The following PXDNL variants were observed in gnomAD, a reference collection of about 807,000 sequenced individuals.
PXDNL encodes peroxidasin like.
PXDNL carries 145 observed loss-of-function variants against 150.8 expected under a neutral mutation model. That is an observed-to-expected ratio of 0.96 (90% CI 0.84 to 1.10). PXDNL has a LOEUF of 1.10. PXDNL is among the 50% of genes least tolerant of loss of function. The probability of loss-of-function intolerance (pLI) is 0.00; values close to 1 mark genes in which losing one functional copy is unlikely to be tolerated. For synonymous variants in PXDNL, 757 were observed against 725.7 expected (o/e 1.04, Z -0.69); for missense variants, 2,087 against 1,873.9 (o/e 1.11, Z -2.10).
chr8:51,424,935 A>C (rs2129747233), intron 13 of PXDNL, among the ~76,000 whole-genome samples: 1 of 152,302 alleles, frequency 6.6e-6, no homozygotes, highest in African/African-American at 2.4e-5. Flanking sequence ...GGGAGTGAGA[A>C]GTTGCAGGGC....
At position 51,447,060 on chromosome 8, in the gene PXDNL, G is replaced by C; in HGVS notation, c.1469C>G (p.Ala490Gly). Residue 490 changes from alanine (A) to glycine (G), a missense_variant, in exon 12 of 23, where the codon GCA (alanine) becomes GGA (glycine). Ala to Gly is a moderately conservative substitution (Grantham distance 60, BLOSUM62 0). Transcript: ENST00000356297. ...CTTTTTCACCCCCAACGAACTGACT[G>C]CTTGACATTCATATTGGCCTTGATC... ...QHDQGQYECQ[A>G]VSSLGVKKVS... 6.2e-7 allele frequency: 1 copy of C among 1,613,998 alleles called. No individual in the cohort carries two copies.
rs59658563 is a variant in PXDNL at position 51,730,317 on chromosome 8, T to C, written c.165-75557A>G. 3.6e-3 allele frequency among the ~76,000 whole-genome samples: 546 copies of C among 152,368 alleles called. 5 individuals carry two copies. Among genetic ancestry groups the C allele is most frequent in the African/African-American group, 0.012 (518 of 41,574 alleles). The stretch of plus-strand genomic sequence containing the variant: ...GTGTCAACATAATCAAATAACCTTT[T>C]CTGAATTTTTTTCCTTCATTACACA... On this transcript the variant is annotated intron_variant, in intron 1 of 22. Transcript: ENST00000356297.
chr8:51,327,882 A>G (rs757300076), intron 21 of PXDNL, among the ~76,000 whole-genome samples: 23 of 151,940 alleles, frequency 1.5e-4, no homozygotes, highest in Non-Finnish European at 2.9e-4. Context: ...CTGAAGAGAC[A>G]GGAGGATAAC....
intron 17 of PXDNL, among the ~76,000 whole-genome samples, chr8:51,387,972 C>G (rs141594880): frequency 4.4e-4 from 67 of 152,152 alleles, no homozygotes; most frequent in African/African-American, 1.6e-3. Context: ...ATGTTATTCC[C>G]TGTAAAAAAT....
At chr8:51,372,891 T>C (rs888257955) in intron 18 of PXDNL, among the ~76,000 whole-genome samples, 1 of 152,252 alleles carries the variant, frequency 6.6e-6, no homozygotes, top group Non-Finnish European at 1.5e-5. Context: ...AAAGTCAATC[T>C]TTGGGTACAT....
chr8:51,759,196 C>T (rs2037135604), intron 1 of PXDNL, among the ~76,000 whole-genome samples: 1 of 152,198 alleles, frequency 6.6e-6, no homozygotes, highest in South Asian at 2.1e-4. Context: ...TGCTCTCCCA[C>T]AGCCACTAAG....
chr8:51,799,064 G>A (rs923539494), intron 1 of PXDNL, among the ~76,000 whole-genome samples: 19 of 152,264 alleles, frequency 1.2e-4, no homozygotes, highest in Admixed American at 7.8e-4. Flanking sequence ...GCCATAAAAA[G>A]GAACAAGATA....
intron 2 of PXDNL, among the ~76,000 whole-genome samples, chr8:51,617,029 G>T (rs989906956): frequency 3.3e-5 from 5 of 152,102 alleles, no homozygotes; most frequent in African/African-American, 1.2e-4. Flanking sequence ...GATTCAGAGG[G>T]CCAACTGTAC....
At position 51,525,120 on chromosome 8, in the gene PXDNL, T is replaced by TAA. The variant is rs112492123; in HGVS notation, c.381-25352_381-25351dup. 9.5e-3 allele frequency among the ~76,000 whole-genome samples: 1,414 copies of TAA among 148,662 alleles called. 24 individuals carry two copies. Among genetic ancestry groups the TAA allele is most frequent in the African/African-American group, 0.031 (1,242 of 40,640 alleles). On this transcript the variant is annotated intron_variant, in intron 4 of 22. Transcript: ENST00000356297. ...GCTAAGTTTATGTGTCACCTTTATT[T>TAA]AAAAAAAAAAAATCTCTTTAAAATC...
chr8:51,807,269 G>A (rs28671127), intron 1 of PXDNL, among the ~76,000 whole-genome samples: 185 of 152,110 alleles, frequency 1.2e-3, no homozygotes, highest in Admixed American at 3.1e-3. Context: ...GAAGGCAAAG[G>A]GGGAGTGAGA....
At chr8:51,474,926 A>T in intron 7 of PXDNL, 46 bp downstream of exon 7, 1 of 1,436,980 alleles carries the variant, frequency 7.0e-7, no homozygotes, top group Non-Finnish European at 9.4e-7. Context: ...AAAAGAGAGC[A>T]AATGAGAGAC....
intron 12 of PXDNL, 63 bp from the exon 13 acceptor site, chr8:51,426,821 C>T (rs1809118103): frequency 9.3e-6 from 9 of 970,780 alleles, no homozygotes; most frequent in Non-Finnish European, 1.4e-5. Context: ...CATATGCCAG[C>T]TGAGTCAAAG....
intron 6 of PXDNL, among the ~76,000 whole-genome samples, chr8:51,476,731 G>A (rs1810487476): frequency 6.6e-6 from 1 of 152,182 alleles, no homozygotes; most frequent in Non-Finnish European, 1.5e-5. Flanking sequence ...TCACAAGTCT[G>A]TCTATGGTGG....
chr8:51,664,160 C>T (rs1488815623), intron 1 of PXDNL, among the ~76,000 whole-genome samples: 1 of 151,926 alleles, frequency 6.6e-6, no homozygotes, highest in African/African-American at 2.4e-5. Context: ...GTCATTGGGT[C>T]ACATTCATTG....
intron 1 of PXDNL, among the ~76,000 whole-genome samples, chr8:51,743,493 T>A (rs1482957947): frequency 6.6e-6 from 1 of 152,112 alleles, no homozygotes; most frequent in Non-Finnish European, 1.5e-5. Flanking sequence ...GCGATTCTCA[T>A]GCCTCAGCCT....
intron 1 of PXDNL, among the ~76,000 whole-genome samples, chr8:51,763,568 G>A (rs963311354): frequency 5.3e-5 from 8 of 152,038 alleles, no homozygotes; most frequent in Non-Finnish European, 7.4e-5. Flanking sequence ...GTCAAATGCC[G>A]CACTTGACCT....
chr8:51,431,261 ACCT>A (rs1809239777), intron 12 of PXDNL, among the ~76,000 whole-genome samples: 1 of 152,158 alleles, frequency 6.6e-6, no homozygotes, highest in South Asian at 2.1e-4. Flanking sequence ...TTTAGAAAAT[ACCT>A]AGGAAAAACA....
At chr8:51,340,132 A>T (rs1367952875) in intron 20 of PXDNL, 2 of 156,964 alleles carry the variant, frequency 1.3e-5, no homozygotes, top group African/African-American at 4.8e-5. Context: ...ATTTAATATA[A>T]CATATTATCC....
At chr8:51,381,875 C>G (rs1807560868) in intron 17 of PXDNL, among the ~76,000 whole-genome samples, 1 of 151,430 alleles carries the variant, frequency 6.6e-6, no homozygotes, top group South Asian at 2.1e-4. Context: ...AAAATAGAAA[C>G]ACTAATGACA....
Sources: gnomAD v4.1 joint callset for allele counts (sites outside exome capture counted in the v4.1 genomes callset) on GRCh38, gnomAD v4.1.1 for gene constraint, MANE v1.5 for transcripts, NCBI Gene and HGNC (gene_info 2026-07-23, HGNC 2026-07-21) for gene names.